TLN2: variants seen among roughly 807,000 people sequenced by gnomAD.
The protein encoded by TLN2 is talin-2.
A neutral mutation model predicts 294.7 loss-of-function variants in TLN2; 118 were observed. That is an observed-to-expected ratio of 0.40 (90% CI 0.34 to 0.47). The LOEUF (loss-of-function observed/expected upper bound fraction) is 0.47, where lower values mean the gene tolerates loss of function less well. Ranked by LOEUF, TLN2 falls within the 20% of genes least tolerant of loss-of-function variation. The probability of loss-of-function intolerance (pLI) is 0.84; values close to 1 mark genes in which losing one functional copy is unlikely to be tolerated. For synonymous variants in TLN2, 1,431 were observed against 1,304.5 expected (o/e 1.10, Z -2.09); for missense variants, 3,083 against 3,282.2 (o/e 0.94, Z 1.48).
intron 52 of TLN2, among the ~76,000 whole-genome samples, chr15:62,818,789 T>C (rs1475893357): frequency 2.6e-5 from 4 of 152,116 alleles, no homozygotes; most frequent in Non-Finnish European, 4.4e-5. Context: ...CAAGTACTGA[T>C]TGGCCCATAG....
intron 37 of TLN2, among the ~76,000 whole-genome samples, chr15:62,756,568 C>T (rs2062265357): frequency 6.6e-6 from 1 of 152,128 alleles, no homozygotes; most frequent in South Asian, 2.1e-4. Context: ...AAACCCTGGA[C>T]ACCACTGAAG....
chr15:62,774,283 A>G (rs1205002429), intron 42 of TLN2, among the ~76,000 whole-genome samples: 5 of 152,172 alleles, frequency 3.3e-5, no homozygotes, highest in African/African-American at 1.2e-4. Flanking sequence ...GACTTCAGAC[A>G]TGTGTCTGAA....
At chr15:62,620,816 CTTTTTT>C (rs910829682) in intron 3 of TLN2, among the ~76,000 whole-genome samples, 1 of 133,686 alleles carries the variant, frequency 7.5e-6, no homozygotes, top group African/African-American at 2.8e-5. Flanking sequence ...AAACCTGCTT[CTTTTTT>C]TTTTCTTTCT....
intron 45 of TLN2, among the ~76,000 whole-genome samples, chr15:62,790,878 G>A (rs2065027845): frequency 1.3e-5 from 2 of 152,212 alleles, no homozygotes; most frequent in Non-Finnish European, 2.9e-5. Context: ...CACCAGTCCA[G>A]ATCTGTTTGC....
intron 50 of TLN2, among the ~76,000 whole-genome samples, chr15:62,803,706 C>T (rs2066085043): frequency 6.6e-6 from 1 of 152,152 alleles, no homozygotes; most frequent in Non-Finnish European, 1.5e-5. Context: ...TTCTGATTCC[C>T]TCTTTGTGTT....
At position 62,489,986 on chromosome 15, in the gene TLN2, A is replaced by G. The variant is rs137865553; in HGVS notation, c.-238+99301A>G. On this transcript the variant is annotated intron_variant, in intron 1 of 58. Transcript: ENST00000636159. ...AACCACCTAGTTATGCCGCTCTCAA[A>G]TTCCTGACTCATGAAATCTGTGAGA... 1.0e-3 allele frequency among the ~76,000 whole-genome samples: 158 copies of G among 152,318 alleles called. 1 individual carries two copies. The East Asian group carries it at 0.025, about 24-fold the overall frequency.
intron 1 of TLN2, among the ~76,000 whole-genome samples, chr15:62,524,513 C>T (rs1035274035): frequency 2.0e-5 from 3 of 152,166 alleles, no homozygotes; most frequent in African/African-American, 4.8e-5. Context: ...AAAAGCCAGT[C>T]GTTTCTCCTT....
intron 2 of TLN2, among the ~76,000 whole-genome samples, chr15:62,604,791 T>C (rs374928409): frequency 6.6e-6 from 1 of 151,834 alleles, no homozygotes. Context: ...CTCTCAAAGC[T>C]GTGTTCTCTG....
intron 32 of TLN2, among the ~76,000 whole-genome samples, chr15:62,746,546 G>A (rs2061621803): frequency 6.6e-6 from 1 of 152,204 alleles, no homozygotes; most frequent in Admixed American, 6.5e-5. Context: ...GAAATTGAAA[G>A]CAGTATCTCC....
intron 1 of TLN2, among the ~76,000 whole-genome samples, chr15:62,428,713 T>C (rs2034848833): frequency 6.6e-6 from 1 of 152,224 alleles, no homozygotes; most frequent in South Asian, 2.1e-4. Context: ...TCTAAAGAGA[T>C]GGCATGTGAA....
At chr15:62,650,945 ACT>A (rs2052522068) in intron 5 of TLN2, among the ~76,000 whole-genome samples, 1 of 152,086 alleles carries the variant, frequency 6.6e-6, no homozygotes, top group East Asian at 1.9e-4. Flanking sequence ...ATTTTAACAC[ACT>A]CTTTTGAAAA....
At chr15:62,488,212 A>C (rs371739232) in intron 1 of TLN2, among the ~76,000 whole-genome samples, 20 of 152,366 alleles carry the variant, frequency 1.3e-4, no homozygotes, top group African/African-American at 4.6e-4. Flanking sequence ...ATAAAAGTAC[A>C]TTTAGGAACA....
intron 1 of TLN2, among the ~76,000 whole-genome samples, chr15:62,399,284 A>AAAAAAAT (rs1475579160): frequency 4.6e-5 from 7 of 150,878 alleles, no homozygotes; most frequent in Non-Finnish European, 1.0e-4. Flanking sequence ...AAAAAAAAAA[A>AAAAAAAT]AGTAAGAAAT....
intron 1 of TLN2, among the ~76,000 whole-genome samples, chr15:62,404,651 A>G (rs1390693890): frequency 6.6e-6 from 1 of 152,236 alleles, no homozygotes; most frequent in African/African-American, 2.4e-5. Flanking sequence ...CTAGTTTCAT[A>G]TAAATGAGGC....
At chr15:62,821,216 A>G (rs1378158318) in intron 54 of TLN2, among the ~76,000 whole-genome samples, 1 of 152,276 alleles carries the variant, frequency 6.6e-6, no homozygotes, top group Non-Finnish European at 1.5e-5. Flanking sequence ...AAATAAAAGG[A>G]TGACAAGCTA....
intron 51 of TLN2, 68 bp downstream of exon 51, chr15:62,805,853 T>G: frequency 1.3e-6 from 2 of 1,526,430 alleles, no homozygotes; most frequent in Non-Finnish European, 1.8e-6. Context: ...CTTGGTGTAG[T>G]CTGAAAAAGG....
intron 1 of TLN2, among the ~76,000 whole-genome samples, chr15:62,422,463 A>G (rs1476858038): frequency 1.3e-5 from 2 of 152,214 alleles, no homozygotes; most frequent in East Asian, 3.8e-4. Flanking sequence ...GTTAGTTGCT[A>G]TTAATATAAA....
At chr15:62,560,397 T>C (rs1009789361) in intron 1 of TLN2, among the ~76,000 whole-genome samples, 2 of 152,104 alleles carry the variant, frequency 1.3e-5, no homozygotes, top group African/African-American at 4.8e-5. Flanking sequence ...GGGTGGAGTC[T>C]TGGGGTATGG....
intron 37 of TLN2, chr15:62,758,677 G>A (rs889555225): frequency 6.6e-6 from 1 of 152,198 alleles, no homozygotes; most frequent in Non-Finnish European, 1.5e-5. Flanking sequence ...TGCTTTCTTG[G>A]TCATCCCTAT....
Sources: allele counts gnomAD v4.1 joint callset (sites outside exome capture counted in the v4.1 genomes callset), GRCh38; gene constraint gnomAD v4.1.1; transcripts MANE v1.5; gene names NCBI Gene and HGNC (gene_info 2026-07-23, HGNC 2026-07-21).